The following NOL10 variants were observed in gnomAD, a reference collection of about 807,000 sequenced individuals.
NOL10 encodes nucleolar protein 10.
NOL10 carries 58 observed loss-of-function variants against 103.5 expected under a neutral mutation model. The observed-to-expected ratio is 0.56, with a 90% CI of 0.45 to 0.70. The LOEUF (loss-of-function observed/expected upper bound fraction) is 0.70. NOL10 is among the 30% of genes least tolerant of loss of function. NOL10 has a pLI of 0.00. For synonymous variants in NOL10, 287 were observed against 282.5 expected (o/e 1.02, Z -0.16); for missense variants, 763 against 807.3 (o/e 0.95, Z 0.67).
intron 17 of NOL10, chr2:10,590,807 C>G (rs549814418): frequency 7.9e-5 from 12 of 152,208 alleles, no homozygotes; most frequent in Non-Finnish European, 1.5e-4. Context: ...GACAGAGAAT[C>G]TTACACATTT....
At chr2:10,635,824 T>A (rs905955494) in intron 13 of NOL10, among the ~76,000 whole-genome samples, 1 of 152,160 alleles carries the variant, frequency 6.6e-6, no homozygotes, top group Non-Finnish European at 1.5e-5. Flanking sequence ...ACTTTTATAA[T>A]ATAGGAAGAC....
intron 3 of NOL10, among the ~76,000 whole-genome samples, chr2:10,679,061 TA>T (rs1454398420): frequency 2.0e-5 from 3 of 152,000 alleles, no homozygotes; most frequent in African/African-American, 7.2e-5. Context: ...CATCTCCATT[TA>T]AAAAATATTT....
chr2:10,686,975 G>A (rs927199840), intron 1 of NOL10, among the ~76,000 whole-genome samples: 2 of 152,220 alleles, frequency 1.3e-5, no homozygotes, highest in East Asian at 1.9e-4. Flanking sequence ...GTAAGGGCTA[G>A]AAACATCAAT....
intron 14 of NOL10, among the ~76,000 whole-genome samples, chr2:10,605,242 G>GT (rs1042628874): frequency 2.0e-5 from 3 of 152,146 alleles, no homozygotes; most frequent in Non-Finnish European, 4.4e-5. Context: ...TTTTACAGAC[G>GT]TAATTTTCCA....
rs546772796 is a variant in NOL10, at chr2:10,671,879, C to T, written c.328-189G>A. ...AAAACACTCCATCGGCTCCTTAATG[C>T]CTTCCTGTATCCTGATAGCTTTTCT... On this transcript the variant is annotated intron_variant, in intron 5 of 20. Transcript: ENST00000381685. Among the ~76,000 whole-genome samples the T allele has an allele frequency of 4.6e-5, 7 of 152,252 alleles. No homozygotes were observed. In the South Asian group the frequency reaches 6.2e-4, roughly 14 times the overall value.
intron 4 of NOL10, among the ~76,000 whole-genome samples, chr2:10,675,561 G>A (rs907636771): frequency 6.6e-6 from 1 of 152,054 alleles, no homozygotes; most frequent in Non-Finnish European, 1.5e-5. Context: ...CTCCAAGTCA[G>A]AGCTCCACCT....
intron 13 of NOL10, among the ~76,000 whole-genome samples, chr2:10,636,365 C>T (rs1678215781): frequency 7.2e-6 from 1 of 139,230 alleles, no homozygotes; most frequent in South Asian, 2.2e-4. Context: ...TGCTTGAGCC[C>T]AGGAGTTGGC....
chr2:10,614,104 C>A (rs932305361), intron 13 of NOL10, among the ~76,000 whole-genome samples: 1 of 151,976 alleles, frequency 6.6e-6, no homozygotes, highest in African/African-American at 2.4e-5. Context: ...GGACTACAGG[C>A]ATGCACTACC....
chr2:10,652,545 T>A (rs1478797686), intron 12 of NOL10, among the ~76,000 whole-genome samples: 1 of 152,170 alleles, frequency 6.6e-6, no homozygotes, highest in Admixed American at 6.5e-5. Context: ...CTGCCCCAAC[T>A]TCTGTAATCC....
intron 13 of NOL10, among the ~76,000 whole-genome samples, chr2:10,610,926 G>A (rs568287508): frequency 1.2e-4 from 19 of 152,246 alleles, no homozygotes; most frequent in African/African-American, 4.3e-4. Context: ...TGTATTCTAT[G>A]CTTCAGTCAT....
At chr2:10,596,806 A>T (rs953131758) in intron 17 of NOL10, among the ~76,000 whole-genome samples, 1 of 152,210 alleles carries the variant, frequency 6.6e-6, no homozygotes, top group African/African-American at 2.4e-5. Context: ...CAAGAAACTG[A>T]CAAAAAAGAC....
intron 12 of NOL10, among the ~76,000 whole-genome samples, chr2:10,648,509 T>C (rs116230403): frequency 0.037 from 5,687 of 152,266 alleles, 208 homozygotes; most frequent in African/African-American, 0.094. Context: ...TACGAGTTAT[T>C]AGATAGTAAC....
At chr2:10,630,441 G>C (rs140762311) in intron 13 of NOL10, among the ~76,000 whole-genome samples, 3 of 152,160 alleles carry the variant, frequency 2.0e-5, no homozygotes, top group African/African-American at 4.8e-5. Context: ...AGCTGGGCGC[G>C]ATGGCTCACA....
intron 13 of NOL10, among the ~76,000 whole-genome samples, chr2:10,617,572 C>T (rs1676900795): frequency 6.6e-6 from 1 of 151,926 alleles, no homozygotes; most frequent in South Asian, 2.1e-4. Context: ...CAGCTTCCAA[C>T]AAAAAAATTA....
At chr2:10,630,806 T>C (rs1324040867) in intron 13 of NOL10, among the ~76,000 whole-genome samples, 1 of 152,206 alleles carries the variant, frequency 6.6e-6, no homozygotes, top group Non-Finnish European at 1.5e-5. Flanking sequence ...CCCTTCTAGC[T>C]CTGATGGTCT....
chr2:10,644,531 A>G (rs147335584), intron 12 of NOL10, among the ~76,000 whole-genome samples, 159 bp from the exon 13 acceptor site: 100 of 152,322 alleles, frequency 6.6e-4, no homozygotes, highest in African/African-American at 2.3e-3. Context: ...TAACTTTTAC[A>G]AAACAAATTC....
chr2:10,677,373 G>T (rs1479656161), intron 3 of NOL10, among the ~76,000 whole-genome samples: 1 of 150,994 alleles, frequency 6.6e-6, no homozygotes, highest in Admixed American at 6.6e-5. Context: ...AAAAATAAAA[G>T]AATGAGGTAG....
chr2:10,584,375 A>G (rs1410507120), intron 19 of NOL10, among the ~76,000 whole-genome samples: 1 of 152,236 alleles, frequency 6.6e-6, no homozygotes. Context: ...AAACAAAGTT[A>G]GCCCACTGTA....
chr2:10,629,124 A>T (rs1214593370), intron 13 of NOL10, among the ~76,000 whole-genome samples: 2 of 23,968 alleles, frequency 8.3e-5, no homozygotes, highest in African/African-American at 1.6e-4. Context: ...TCCCCCCACC[A>T]CCCCTCCACC....
Sources: allele counts gnomAD v4.1 joint callset (sites outside exome capture counted in the v4.1 genomes callset), GRCh38; gene constraint gnomAD v4.1.1; transcripts MANE v1.5; gene names NCBI Gene and HGNC (gene_info 2026-07-23, HGNC 2026-07-21).